DYM: variants seen among roughly 807,000 people sequenced by gnomAD.
DYM encodes dymeclin, also known as dyggve-Melchior-Clausen syndrome protein.
A neutral mutation model predicts 93.1 loss-of-function variants in DYM; 78 were observed. That is an observed-to-expected ratio of 0.84 (90% CI 0.70 to 1.01). DYM has a LOEUF of 1.01. Ranked by LOEUF, DYM falls within the 50% of genes least tolerant of loss-of-function variation. DYM has a pLI of 0.00. For synonymous variants in DYM, 321 were observed against 319.7 expected, an observed-to-expected ratio of 1.00 and a Z score of -0.04; for missense variants, 789 against 845.0, an observed-to-expected ratio of 0.93 and a Z score of 0.82.
chr18:49,120,802 A>C (rs1385157721), intron 15 of DYM, among the ~76,000 whole-genome samples: 1 of 152,096 alleles, frequency 6.6e-6, no homozygotes, highest in Admixed American at 6.5e-5. Flanking sequence ...TTTCCATACA[A>C]TTTACCTCTG....
intron 8 of DYM, among the ~76,000 whole-genome samples, chr18:49,304,263 C>A (rs1054361074): frequency 2.6e-5 from 4 of 152,222 alleles, no homozygotes; most frequent in African/African-American, 9.7e-5. Flanking sequence ...TCCCACAGCT[C>A]TCAACCCTTC....
intron 13 of DYM, among the ~76,000 whole-genome samples, chr18:49,230,490 T>A (rs1475366907): frequency 6.6e-6 from 1 of 152,152 alleles, no homozygotes; most frequent in Admixed American, 6.5e-5. Context: ...CAAAACCAAG[T>A]GTTTCCTGCC....
At chr18:49,092,271 T>C (rs1481412504) in intron 17 of DYM, among the ~76,000 whole-genome samples, 1 of 152,212 alleles carries the variant, frequency 6.6e-6, no homozygotes, top group African/African-American at 2.4e-5. Context: ...GCCTTGGGCC[T>C]TCTCTTGTAC....
intron 16 of DYM, among the ~76,000 whole-genome samples, chr18:49,107,464 TGGA>T (rs752136028): frequency 4.4e-4 from 67 of 152,344 alleles, no homozygotes; most frequent in African/African-American, 1.4e-3. Flanking sequence ...TGCGTTCCTT[TGGA>T]GGAGGAGAGG....
chr18:49,339,886 A>T (rs997340066), intron 6 of DYM, among the ~76,000 whole-genome samples: 2 of 152,348 alleles, frequency 1.3e-5, no homozygotes, highest in East Asian at 3.9e-4. Flanking sequence ...GAATTAAATA[A>T]GTAAAATGAG....
intron 3 of DYM, among the ~76,000 whole-genome samples, chr18:49,382,966 T>A (rs1472172882): frequency 6.6e-6 from 1 of 152,188 alleles, no homozygotes; most frequent in Non-Finnish European, 1.5e-5. Flanking sequence ...GAAAGACTCA[T>A]GAGCTCTAAA....
At chr18:49,302,584 T>C (rs1484597115) in intron 8 of DYM, among the ~76,000 whole-genome samples, 2 of 152,090 alleles carry the variant, frequency 1.3e-5, no homozygotes, top group Non-Finnish European at 2.9e-5. Context: ...AAGTCCATCA[T>C]ACTCAAGGAA....
chr18:49,289,588 G>A (rs1424858958), intron 8 of DYM, among the ~76,000 whole-genome samples: 2 of 149,220 alleles, frequency 1.3e-5, no homozygotes, highest in Non-Finnish European at 3.0e-5. Flanking sequence ...GTTCATGCTT[G>A]TAGTCCCAGC....
At chr18:49,219,261 T>A (rs565834934) in intron 13 of DYM, among the ~76,000 whole-genome samples, 3 of 152,248 alleles carry the variant, frequency 2.0e-5, no homozygotes, top group African/African-American at 7.2e-5. Context: ...GTGGCAATAA[T>A]CAATAGCTTA....
At chr18:49,333,925 T>C (rs1054556026) in intron 6 of DYM, 72 bp from the exon 7 acceptor site, 16 of 1,465,228 alleles carry the variant, frequency 1.1e-5, no homozygotes, top group East Asian at 2.3e-5. Context: ...AAATGAACTA[T>C]ACATTTAAAA....
rs908381440 is a variant in DYM at position 49,430,436 on chromosome 18, C to T, written c.-42G>A. On this transcript the variant is annotated 5_prime_UTR_variant, in exon 2 of 18. Coordinates refer to ENST00000675505, the MANE Select transcript of DYM (RefSeq NM_001353214.3). ...ATAATTTGTCCTTAAACCTGCATTT[C>T]CAAAAGACAACCTATAAAAAATAAA... The T allele has an allele frequency of 6.2e-7, 1 of 1,609,892 alleles. No homozygotes were observed. Among genetic ancestry groups the T allele is most frequent in the Middle Eastern group, 1.7e-4 (1 of 6,050 alleles).
intron 2 of DYM, among the ~76,000 whole-genome samples, chr18:49,423,397 G>T (rs1322940276): frequency 6.6e-6 from 1 of 152,176 alleles, no homozygotes; most frequent in Non-Finnish European, 1.5e-5. Context: ...TTAAAGCAGT[G>T]TGTAGAGGGA....
intron 14 of DYM, among the ~76,000 whole-genome samples, chr18:49,175,777 T>C (rs560779005): frequency 6.6e-6 from 1 of 152,262 alleles, no homozygotes; most frequent in African/African-American, 2.4e-5. Flanking sequence ...CTGCTCCATA[T>C]TTCAACACTA....
At chr18:49,260,597 G>T (rs1396789719) in intron 11 of DYM, among the ~76,000 whole-genome samples, 3 of 152,042 alleles carry the variant, frequency 2.0e-5, no homozygotes, top group Non-Finnish European at 2.9e-5. Flanking sequence ...AAACATTCTC[G>T]CAAGATTAAT....
intron 16 of DYM, among the ~76,000 whole-genome samples, chr18:49,117,012 T>G (rs1370235798): frequency 6.6e-6 from 1 of 152,224 alleles, no homozygotes; most frequent in Non-Finnish European, 1.5e-5. Context: ...ACACACATCC[T>G]AAATATCAGT....
intron 14 of DYM, among the ~76,000 whole-genome samples, chr18:49,200,218 G>C (rs1027603693): frequency 6.6e-6 from 1 of 151,786 alleles, no homozygotes; most frequent in Non-Finnish European, 1.5e-5. Flanking sequence ...AGAAAAGTGA[G>C]AGAAAAAATT....
intron 8 of DYM, among the ~76,000 whole-genome samples, chr18:49,326,042 T>G (rs1447442825): frequency 1.3e-5 from 2 of 152,206 alleles, no homozygotes; most frequent in Non-Finnish European, 1.5e-5. Context: ...CTGAAATGAC[T>G]CGGATACATC....
intron 2 of DYM, among the ~76,000 whole-genome samples, chr18:49,414,785 G>A (rs113530968): frequency 0.011 from 1,689 of 152,112 alleles, 30 homozygotes; most frequent in African/African-American, 0.039. Context: ...ACTCCGCTTC[G>A]CTTTTCTTCC....
chr18:49,323,590 T>C (rs375305645), intron 8 of DYM, among the ~76,000 whole-genome samples: 3 of 152,340 alleles, frequency 2.0e-5, no homozygotes, highest in East Asian at 3.9e-4. Flanking sequence ...GCTTCCTTTC[T>C]CTGCCCTGTG....
Sources: gnomAD v4.1 joint callset for allele counts (sites outside exome capture counted in the v4.1 genomes callset) on GRCh38, gnomAD v4.1.1 for gene constraint, MANE v1.5 for transcripts, NCBI Gene and HGNC (gene_info 2026-07-23, HGNC 2026-07-21) for gene names.